The following IL21R variants were observed in gnomAD, a reference collection of about 807,000 sequenced individuals.
The protein encoded by IL21R is interleukin 21 receptor.
In IL21R, 14 loss-of-function variants were observed where a neutral mutation model predicts 41.3. That is an observed-to-expected ratio of 0.34 (90% CI 0.22 to 0.53). IL21R has a LOEUF of 0.53. IL21R is among the 20% of genes least tolerant of loss of function. IL21R has a pLI of 0.94. For missense variants in IL21R, 588 were observed against 681.6 expected (o/e 0.86, Z 1.53); for synonymous variants, 286 against 287.6 (o/e 0.99, Z 0.05).
At position 27,449,226 on chromosome 16, in the gene IL21R, C is replaced by T. The variant is rs2087545858; in HGVS notation, c.1560C>T (p.Leu520=). ...ACGAAGGACCCCCCCGGAGCTACCT[C>T]CGCCAGTGGGTGGTCATTCCTCCGC... is the stretch of plus-strand genomic sequence containing the variant. ...PGDEGPPRSY[L]RQWVVIPPPL... Residue 520 remains leucine (L), a synonymous_variant, in exon 9 of 9, where the codon CTC becomes CTT. Coordinates refer to ENST00000337929, the MANE Select transcript of IL21R (RefSeq NM_181078.3). 1 of 1,612,260 alleles carries T rather than the reference C, an allele frequency of 6.2e-7. No homozygotes were observed. The highest frequency in any genetic ancestry group is 1.1e-5 in the South Asian group (1 of 91,004).
At chr16:27,428,670 C>T (rs565670335) in intron 1 of IL21R, among the ~76,000 whole-genome samples, 3 of 152,340 alleles carry the variant, frequency 2.0e-5, no homozygotes, top group South Asian at 4.1e-4. Flanking sequence ...GGGCATTCCT[C>T]TGCCCAAGAC....
chr16:27,405,094 G>T (rs773858516), intron 1 of IL21R, among the ~76,000 whole-genome samples: 6 of 151,378 alleles, frequency 4.0e-5, no homozygotes, highest in African/African-American at 1.2e-4. Context: ...GTGCGGTGGC[G>T]CAATCTCAAC....
chr16:27,417,580 AT>A (rs2141267562), intron 1 of IL21R, among the ~76,000 whole-genome samples: 1 of 152,328 alleles, frequency 6.6e-6, no homozygotes, highest in Non-Finnish European at 1.5e-5. Context: ...TAATTTTGTC[AT>A]TGTGTGAACG....
intron 1 of IL21R, among the ~76,000 whole-genome samples, chr16:27,418,525 C>A (rs967457352): frequency 1.3e-5 from 2 of 151,974 alleles, no homozygotes; most frequent in Non-Finnish European, 2.9e-5. Context: ...CGCGCCACCA[C>A]GCTCGGCTAA....
chr16:27,432,953 C>T (rs1241627104), intron 2 of IL21R, among the ~76,000 whole-genome samples: 1 of 152,134 alleles, frequency 6.6e-6, no homozygotes, highest in Non-Finnish European at 1.5e-5. Flanking sequence ...GTCTCAGCAG[C>T]CCAGACCAAG....
chr16:27,414,488 A>T (rs1174673364), intron 1 of IL21R, among the ~76,000 whole-genome samples: 1 of 152,008 alleles, frequency 6.6e-6, no homozygotes, highest in East Asian at 1.9e-4. Flanking sequence ...TTTATGGGAA[A>T]GATTGACCTG....
Position 27,438,542 on chromosome 16 carries a change from T to C in IL21R, c.352+855T>C, listed in dbSNP as rs1373753059. On this transcript the variant is annotated intron_variant, in intron 4 of 8. Coordinates refer to ENST00000337929, the MANE Select transcript of IL21R (RefSeq NM_181078.3). ...GGCTTTAAGACCAACCTGGGCAATA[T>C]AGCGAGACCTCATCTCAAAACACAA... Among the ~76,000 whole-genome samples the C allele has an allele frequency of 4.0e-5, 6 of 151,638 alleles. No homozygotes were observed. The East Asian group carries it at 5.8e-4, about 15-fold the overall frequency.
In IL21R at chr16:27,448,819, GA is replaced by G. The variant is rs748096822; in HGVS notation, c.1154del (p.Glu385GlyfsTer30). On this transcript the variant is annotated frameshift_variant, in exon 9 of 9. Transcript: ENST00000337929. LOFTEE classifies it low-confidence loss of function (END_TRUNC). ...SIDTVTVLDA[E>X]GPCTWPCSCE... is the part of the protein sequence containing the mutation. ...TGACACAGTGACTGTGCTAGATGCA[GA>G]GGGGCCATGCACCTGGCCCTGCAGC... 1 of 1,613,370 alleles carries G rather than the reference GA, an allele frequency of 6.2e-7. No homozygotes were observed. Among genetic ancestry groups the G allele is most frequent in the South Asian group, 1.1e-5 (1 of 91,082 alleles).
At chr16:27,435,627 T>A (rs1458650750) in intron 3 of IL21R, among the ~76,000 whole-genome samples, 1 of 151,720 alleles carries the variant, frequency 6.6e-6, no homozygotes, top group Non-Finnish European at 1.5e-5. Flanking sequence ...ATAATTTTTG[T>A]AGTTTTTGTA....
intron 3 of IL21R, among the ~76,000 whole-genome samples, chr16:27,435,255 AAAAACAAAACAAAAC>A (rs368817590): frequency 1.3e-5 from 2 of 151,926 alleles, no homozygotes; most frequent in African/African-American, 2.4e-5. Flanking sequence ...ATCCCAACTC[AAAAACAAAACAAAAC>A]AAAACAAAAC....
At position 27,415,651 on chromosome 16, in the gene IL21R, C is replaced by G. The variant is rs917946852; in HGVS notation, c.-17+13033C>G. On this transcript the variant is annotated intron_variant, in intron 1 of 8. Coordinates refer to ENST00000337929, the MANE Select transcript of IL21R (RefSeq NM_181078.3). Reference sequence around the variant, plus strand: ...TAGCAATGCTCCTGCTCATTCTTCTCATCAAATAAGGGCAATTTTACAGCT... The same window carrying G: ...TAGCAATGCTCCTGCTCATTCTTCTGATCAAATAAGGGCAATTTTACAGCT... Among the ~76,000 whole-genome samples the G allele has an allele frequency of 3.3e-5, 5 of 152,324 alleles. No individual in the cohort carries two copies. In the South Asian group the frequency reaches 1.0e-3, roughly 32 times the overall value.
At chr16:27,410,636 A>G (rs1283223489) in intron 1 of IL21R, among the ~76,000 whole-genome samples, 1 of 152,192 alleles carries the variant, frequency 6.6e-6, no homozygotes, top group African/African-American at 2.4e-5. Flanking sequence ...AAGAGAGGGT[A>G]TTGTAGTGCA....
At chr16:27,443,348 T>C (rs2087424000) in intron 5 of IL21R, among the ~76,000 whole-genome samples, 1 of 152,182 alleles carries the variant, frequency 6.6e-6, no homozygotes, top group African/African-American at 2.4e-5. Context: ...GCGGTCAGCA[T>C]GCCAAAGAGA....
chr16:27,424,949 C>T (rs1478182078), intron 1 of IL21R, among the ~76,000 whole-genome samples: 1 of 152,128 alleles, frequency 6.6e-6, no homozygotes, highest in East Asian at 1.9e-4. Context: ...ATAGCGACAG[C>T]TGGAGCAAAA....
intron 2 of IL21R, among the ~76,000 whole-genome samples, chr16:27,431,785 G>C (rs2087176747): frequency 6.6e-6 from 1 of 152,026 alleles, no homozygotes; most frequent in South Asian, 2.1e-4. Context: ...CGAGCAGCTG[G>C]GATAACAGGC....
At chr16:27,430,673 G>C (rs1468498593) in intron 2 of IL21R, among the ~76,000 whole-genome samples, 1 of 152,058 alleles carries the variant, frequency 6.6e-6, no homozygotes, top group Non-Finnish European at 1.5e-5. Context: ...AAATTAGCCA[G>C]GCATAGGAGC....
intron 1 of IL21R, among the ~76,000 whole-genome samples, chr16:27,411,454 CTTTTTTTT>C (rs59761925): frequency 1.7e-5 from 1 of 58,052 alleles, no homozygotes; most frequent in African/African-American, 7.6e-5. Flanking sequence ...GTCCTTTGTC[CTTTTTTTT>C]TTTTTTTTTT....
intron 2 of IL21R, among the ~76,000 whole-genome samples, chr16:27,430,815 A>G (rs902396332): frequency 1.3e-5 from 2 of 152,194 alleles, no homozygotes; most frequent in Non-Finnish European, 2.9e-5. Context: ...CCTGTCTCAA[A>G]ACAACAGCAA....
At chr16:27,440,287 A>AGAGAGAGCGC (rs1479585420) in intron 4 of IL21R, among the ~76,000 whole-genome samples, 5 of 102,710 alleles carry the variant, frequency 4.9e-5, no homozygotes, top group African/African-American at 2.0e-4. Flanking sequence ...AGAGCGAGCA[A>AGAGAGAGCGC]GCGCGCGCCA....
Sources: gnomAD v4.1 joint callset for allele counts (sites outside exome capture counted in the v4.1 genomes callset) on GRCh38, gnomAD v4.1.1 for gene constraint, MANE v1.5 for transcripts, NCBI Gene and HGNC (gene_info 2026-07-23, HGNC 2026-07-21) for gene names.